CAMTA1: variants seen among roughly 807,000 people sequenced by gnomAD.
The protein encoded by CAMTA1 is calmodulin-binding transcription activator 1.
In CAMTA1, 27 loss-of-function variants were observed where a neutral mutation model predicts 170.9. The observed-to-expected ratio is 0.16, with a 90% CI of 0.12 to 0.22. The LOEUF is 0.22. CAMTA1 is among the 10% of genes least tolerant of loss of function. The pLI is 1.00. For missense variants in CAMTA1, 1,619 were observed against 2,217.2 expected (o/e 0.73, Z 5.42); for synonymous variants, 833 against 891.5 (o/e 0.93, Z 1.17).
At chr1:6,915,803 C>T (rs989110617) in intron 3 of CAMTA1, among the ~76,000 whole-genome samples, 2 of 152,212 alleles carry the variant, frequency 1.3e-5, no homozygotes, top group Non-Finnish European at 2.9e-5. Flanking sequence ...CTGGCGAAGC[C>T]TGTCTCTCTG....
chr1:7,035,640 G>A (rs1703477546), intron 3 of CAMTA1, among the ~76,000 whole-genome samples: 1 of 152,126 alleles, frequency 6.6e-6, no homozygotes, highest in Non-Finnish European at 1.5e-5. Context: ...ATCAATTCTT[G>A]GTGTTTTACA....
chr1:6,911,810 C>T (rs540376758), intron 3 of CAMTA1, among the ~76,000 whole-genome samples: 5 of 152,322 alleles, frequency 3.3e-5, no homozygotes, highest in South Asian at 2.1e-4. Flanking sequence ...TGTGTTTCCT[C>T]GCTTGCTGTC....
chr1:7,123,842 G>C (rs1644782587), intron 4 of CAMTA1, among the ~76,000 whole-genome samples: 1 of 152,166 alleles, frequency 6.6e-6, no homozygotes, highest in Non-Finnish European at 1.5e-5. Context: ...GAGAACCAAG[G>C]CCTTGCAGAG....
At chr1:7,490,856 G>A (rs900305851) in intron 6 of CAMTA1, among the ~76,000 whole-genome samples, 8 of 152,178 alleles carry the variant, frequency 5.3e-5, no homozygotes, top group African/African-American at 1.9e-4. Flanking sequence ...CAGGCAGGAT[G>A]CTCTTTCCTG....
intron 3 of CAMTA1, among the ~76,000 whole-genome samples, chr1:7,082,437 C>G (rs1407160370): frequency 1.1e-5 from 1 of 92,596 alleles, no homozygotes; most frequent in African/African-American, 4.4e-5. Context: ...GACTGCATCT[C>G]GAAATAGATA....
At chr1:6,810,683 C>T (rs1336881739) in intron 1 of CAMTA1, among the ~76,000 whole-genome samples, 2 of 152,030 alleles carry the variant, frequency 1.3e-5, no homozygotes, top group Non-Finnish European at 2.9e-5. Flanking sequence ...CGGACACCTG[C>T]AGTCCCAGCT....
chr1:7,197,939 C>T (rs1237761946), intron 4 of CAMTA1, among the ~76,000 whole-genome samples: 3 of 151,930 alleles, frequency 2.0e-5, no homozygotes, highest in South Asian at 2.1e-4. Flanking sequence ...CTCATTGTCC[C>T]GAATGAGCAA....
intron 5 of CAMTA1, among the ~76,000 whole-genome samples, chr1:7,309,319 A>G (rs1365771581): frequency 1.8e-4 from 11 of 60,922 alleles, no homozygotes; most frequent in Non-Finnish European, 8.3e-5. Flanking sequence ...TTTTTTTTTG[A>G]GACGGAGTCT....
intron 5 of CAMTA1, among the ~76,000 whole-genome samples, chr1:7,309,096 G>A (rs1329680219): frequency 6.6e-6 from 1 of 152,022 alleles, no homozygotes; most frequent in African/African-American, 2.4e-5. Flanking sequence ...TACCTTGTCT[G>A]ATATTAATAT....
In CAMTA1 at chr1:6,978,033, G is replaced by GTAGAAGGA. The variant is rs1693764683; in HGVS notation, c.235-113269_235-113262dup. On this transcript the variant is annotated intron_variant, in intron 3 of 22. Transcript: ENST00000303635. ...ACAGTTAAACACGTGGAGGTAGAGGGTAGAAGGATGGTTACCAGAGGCCAG... is the reference window on the plus strand; with the variant it reads ...ACAGTTAAACACGTGGAGGTAGAGGGTAGAAGGATAGAAGGATGGTTACCAGAGGCCAG... Among the ~76,000 whole-genome samples, 3 of 152,248 alleles carry GTAGAAGGA rather than the reference G, an allele frequency of 2.0e-5. No homozygotes were observed. The South Asian group carries it at 6.2e-4, about 32-fold the overall frequency.
chr1:7,647,502 C>CG, intron 7 of CAMTA1, among the ~76,000 whole-genome samples: 1 of 152,094 alleles, frequency 6.6e-6, no homozygotes, highest in Non-Finnish European at 1.5e-5. Flanking sequence ...AGCTTGCAGG[C>CG]GGGGGCCTGT....
intron 3 of CAMTA1, among the ~76,000 whole-genome samples, chr1:6,832,090 T>A (rs1056366863): frequency 2.0e-5 from 3 of 147,192 alleles, no homozygotes; most frequent in African/African-American, 5.0e-5. Flanking sequence ...TTTTTTTTTA[T>A]TTTTTTTTTT....
intron 5 of CAMTA1, among the ~76,000 whole-genome samples, chr1:7,322,242 G>A (rs1163197671): frequency 6.6e-6 from 1 of 152,138 alleles, no homozygotes; most frequent in Non-Finnish European, 1.5e-5. Context: ...CTTGGTCTTG[G>A]GCTTTGTCGG....
chr1:7,567,894 C>T (rs1392281342), intron 6 of CAMTA1, among the ~76,000 whole-genome samples: 1 of 152,198 alleles, frequency 6.6e-6, no homozygotes, highest in East Asian at 1.9e-4. Flanking sequence ...CATTTGTCCT[C>T]AGGTATATAA....
intron 3 of CAMTA1, among the ~76,000 whole-genome samples, chr1:6,908,088 A>G (rs958601089): frequency 1.1e-4 from 16 of 152,218 alleles, no homozygotes; most frequent in Middle Eastern, 3.4e-3. Flanking sequence ...CTGGACCCCC[A>G]GACAGTGCCC....
chr1:7,407,590 G>T (rs1034935860), intron 5 of CAMTA1, among the ~76,000 whole-genome samples: 1 of 152,192 alleles, frequency 6.6e-6, no homozygotes, highest in Non-Finnish European at 1.5e-5. Context: ...ACATGGGTGG[G>T]TGTTGGGGGG....
chr1:7,411,180 C>G (rs1170633961), intron 5 of CAMTA1, among the ~76,000 whole-genome samples: 1 of 152,208 alleles, frequency 6.6e-6, no homozygotes, highest in Non-Finnish European at 1.5e-5. Context: ...TCCTCACACT[C>G]TTTCCATCAC....
intron 20 of CAMTA1, among the ~76,000 whole-genome samples, chr1:7,752,120 A>G (rs1377633769): frequency 2.0e-5 from 3 of 152,228 alleles, no homozygotes; most frequent in Admixed American, 6.5e-5. Flanking sequence ...AAACTAAGAA[A>G]GCCTCTCTAA....
intron 5 of CAMTA1, among the ~76,000 whole-genome samples, chr1:7,373,291 CT>C (rs2150070056): frequency 6.6e-6 from 1 of 152,346 alleles, no homozygotes; most frequent in South Asian, 2.1e-4. Context: ...CTAAATGTCG[CT>C]GGAGCTGCCA....
Sources: gnomAD v4.1 joint callset for allele counts (sites outside exome capture counted in the v4.1 genomes callset) on GRCh38, gnomAD v4.1.1 for gene constraint, MANE v1.5 for transcripts, NCBI Gene and HGNC (gene_info 2026-07-23, HGNC 2026-07-21) for gene names.